MPP7: variants seen among roughly 807,000 people sequenced by gnomAD.
MPP7 encodes MAGUK p55 scaffold protein 7.
Under a neutral mutation model 76.5 loss-of-function variants are expected in MPP7, and 60 were observed. The observed-to-expected ratio is 0.78, with a 90% CI of 0.64 to 0.97. The LOEUF (loss-of-function observed/expected upper bound fraction) is 0.97, where lower values mean the gene tolerates loss of function less well. Among genes scored for constraint, MPP7 ranks in the 50% least tolerant of loss-of-function variants. The pLI is 0.00. For synonymous variants in MPP7, 237 were observed against 244.5 expected (o/e 0.97, Z 0.29); for missense variants, 641 against 694.0 (o/e 0.92, Z 0.86).
intron 1 of MPP7, among the ~76,000 whole-genome samples, chr10:28,332,952 C>T (rs773367631): frequency 2.0e-5 from 3 of 151,934 alleles, no homozygotes; most frequent in Non-Finnish European, 2.9e-5. Flanking sequence ...CATGAGCCAC[C>T]GTGCCTGGCC....
intron 11 of MPP7, among the ~76,000 whole-genome samples, chr10:28,110,449 T>C (rs934037353): frequency 1.3e-5 from 2 of 152,226 alleles, no homozygotes; most frequent in African/African-American, 4.8e-5. Flanking sequence ...TTTACTTTTG[T>C]AAATCAGGCT....
chr10:28,302,624 G>A lies in MPP7; in HGVS notation c.-132+237C>T, dbSNP rs1476723787. ...CGCGCGTCAACAGGGGTCTCCAGGG[G>A]TCCTCAGGGTCCCGCCCGAGGCGGC... is the stretch of plus-strand genomic sequence containing the variant. On this transcript the variant is annotated intron_variant, in intron 1 of 16. Transcript: ENST00000683449. Among the ~76,000 whole-genome samples, 6 of 151,974 alleles carry A rather than the reference G, an allele frequency of 3.9e-5. No homozygotes were observed. In the East Asian group the frequency reaches 9.8e-4, roughly 25 times the overall value.
In MPP7 at chr10:28,054,109, C is replaced by T; in HGVS notation, c.1687G>A (p.Glu563Lys). The T allele has an allele frequency of 3.7e-6, 6 of 1,613,860 alleles. No individual in the cohort carries two copies. The highest frequency in any genetic ancestry group is 5.1e-6 in the Non-Finnish European group (6 of 1,179,924). ...NELKTTFDKL[E>K]TETHWVPVSW... ...ACTGGCACCCAATGGGTCTCTGTCT[C>T]TAATTTGTCAAAAGTTGTTTTGAGC... The change falls in exon 17 of 17, where the codon GAG becomes AAG. Residue 563 changes from glutamate to lysine, a missense_variant. Coordinates refer to ENST00000683449, the MANE Select transcript of MPP7 (RefSeq NM_001318170.2).
intron 3 of MPP7, among the ~76,000 whole-genome samples, chr10:28,166,820 T>A (rs892265737): frequency 2.0e-5 from 3 of 152,194 alleles, no homozygotes; most frequent in Non-Finnish European, 4.4e-5. Context: ...TATCGAGCTG[T>A]AAGAACTTTT....
chr10:28,194,521 C>T (rs976975131), intron 3 of MPP7, among the ~76,000 whole-genome samples: 4 of 152,182 alleles, frequency 2.6e-5, no homozygotes, highest in African/African-American at 9.6e-5. Context: ...TTATCTACAA[C>T]TAAATCCTAT....
intron 1 of MPP7, among the ~76,000 whole-genome samples, chr10:28,252,204 T>A (rs1304233556): frequency 6.6e-6 from 1 of 152,206 alleles, no homozygotes; most frequent in African/African-American, 2.4e-5. Context: ...AATATCAAAC[T>A]ATAAACATAG....
chr10:28,295,092 T>C (rs11006994), intron 1 of MPP7, among the ~76,000 whole-genome samples: 15,668 of 152,202 alleles, frequency 0.1, 1,274 homozygotes, highest in East Asian at 0.41. Flanking sequence ...GGAAGGCAGC[T>C]GCCTAAGGTT....
intron 3 of MPP7, among the ~76,000 whole-genome samples, chr10:28,162,291 A>G (rs1260079469): frequency 6.6e-6 from 1 of 152,172 alleles, no homozygotes; most frequent in African/African-American, 2.4e-5. Flanking sequence ...GAGCCCACGA[A>G]TTGATCACAC....
At chr10:28,289,640 G>C (rs1267987803) in intron 1 of MPP7, among the ~76,000 whole-genome samples, 1 of 152,142 alleles carries the variant, frequency 6.6e-6, no homozygotes, top group East Asian at 1.9e-4. Flanking sequence ...CCTTGAATCT[G>C]CGTGAAACGG....
intron 3 of MPP7, among the ~76,000 whole-genome samples, chr10:28,166,156 T>C (rs1393443548): frequency 6.6e-6 from 1 of 152,108 alleles, no homozygotes; most frequent in South Asian, 2.1e-4. Context: ...AACTGTATAA[T>C]CTAGTCAGAG....
At chr10:28,173,171 C>A (rs1380983136) in intron 3 of MPP7, among the ~76,000 whole-genome samples, 1 of 146,618 alleles carries the variant, frequency 6.8e-6, no homozygotes, top group Non-Finnish European at 1.5e-5. Flanking sequence ...GTGAGCAGGG[C>A]AGGAATACTA....
chr10:28,192,760 T>C (rs1010592751), intron 3 of MPP7, among the ~76,000 whole-genome samples: 32 of 152,196 alleles, frequency 2.1e-4, no homozygotes, highest in African/African-American at 7.2e-4. Context: ...TTTGTGGATA[T>C]GACAAACTGA....
At chr10:28,232,278 T>C (rs1838910145) in intron 2 of MPP7, among the ~76,000 whole-genome samples, 1 of 151,932 alleles carries the variant, frequency 6.6e-6, no homozygotes, top group Admixed American at 6.6e-5. Context: ...AGGAGGATCC[T>C]AGGAGTTTGA....
At chr10:28,101,286 G>C (rs978688141) in intron 11 of MPP7, among the ~76,000 whole-genome samples, 2 of 152,088 alleles carry the variant, frequency 1.3e-5, no homozygotes, top group Admixed American at 1.3e-4. Flanking sequence ...AGTATATTTA[G>C]ACATAGCTGT....
intron 4 of MPP7, among the ~76,000 whole-genome samples, chr10:28,148,868 T>C (rs1835791626): frequency 6.6e-6 from 1 of 152,156 alleles, no homozygotes; most frequent in Admixed American, 6.5e-5. Context: ...CTCTGAATAG[T>C]AAATGTTTTA....
intron 1 of MPP7, among the ~76,000 whole-genome samples, chr10:28,244,119 T>C (rs1839357990): frequency 6.6e-6 from 1 of 152,160 alleles, no homozygotes; most frequent in Non-Finnish European, 1.5e-5. Context: ...TGAGTATGAC[T>C]GTGTTCCCAT....
chr10:28,127,672 C>T (rs747921306), intron 6 of MPP7, among the ~76,000 whole-genome samples: 10 of 152,132 alleles, frequency 6.6e-5, no homozygotes, highest in East Asian at 1.9e-4. Context: ...CAATTATCTC[C>T]CACCAGGTCC....
chr10:28,132,345 C>A lies in MPP7; in HGVS notation c.316-654G>T, dbSNP rs12415864. On this transcript the variant is annotated intron_variant, in intron 5 of 16. Transcript: ENST00000683449. ...TTCAACAAACTTGACCCCTAATAAG[C>A]AACACCACTATTCATAAATTACTCA... Among the ~76,000 whole-genome samples, 459 of 152,280 alleles carry A rather than the reference C, an allele frequency of 3.0e-3. 6 individuals carry two copies. In the East Asian group the frequency reaches 0.042, roughly 14 times the overall value.
chr10:28,056,574 A>G lies in MPP7; in HGVS notation c.1457T>C (p.Ile486Thr). 2 of 1,610,584 alleles carry G rather than the reference A, an allele frequency of 1.2e-6. No individual in the cohort carries two copies. The highest frequency in any genetic ancestry group is 1.7e-6 in the Non-Finnish European group (2 of 1,179,220). The part of the protein sequence containing the change: ...TLEFKPYVIF[I>T]KPPSIERLRE... ...CAAACGCTCTATTGATGGAGGCTTT[A>G]TAAATATCACATAGGGCTTAAATTC... Residue 486 changes from isoleucine to threonine, a missense_variant, in exon 16 of 17, where the codon ATA (isoleucine) becomes ACA (threonine). Ile to Thr is a moderately conservative substitution (Grantham distance 89). Transcript: ENST00000683449.
Sources: gnomAD v4.1 joint callset for allele counts (sites outside exome capture counted in the v4.1 genomes callset) on GRCh38, gnomAD v4.1.1 for gene constraint, MANE v1.5 for transcripts, NCBI Gene and HGNC (gene_info 2026-07-23, HGNC 2026-07-21) for gene names.